EHBP1: variants seen among roughly 807,000 people sequenced by gnomAD.
EHBP1 encodes EH domain-binding protein 1.
In EHBP1, 55 loss-of-function variants were observed where a neutral mutation model predicts 144.0. The observed-to-expected ratio is 0.38, with a 90% CI of 0.31 to 0.48. The LOEUF is 0.48. EHBP1 is among the 20% of genes least tolerant of loss of function. EHBP1 has a pLI of 0.98. For missense variants in EHBP1, 1,200 were observed against 1,364.2 expected (o/e 0.88, Z 1.90); for synonymous variants, 469 against 472.7 (o/e 0.99, Z 0.10).
At chr2:62,995,863 T>C (rs1302589861) in intron 18 of EHBP1, among the ~76,000 whole-genome samples, 1 of 152,120 alleles carries the variant, frequency 6.6e-6, no homozygotes, top group Non-Finnish European at 1.5e-5. Context: ...ATAAAAAATA[T>C]ATTTTTTTAA....
At chr2:62,965,129 G>A (rs1442407794) in intron 14 of EHBP1, 1 of 152,484 alleles carries the variant, frequency 6.6e-6, no homozygotes, top group Non-Finnish European at 1.5e-5. Flanking sequence ...CCACAGTAGT[G>A]CAGTGACTTT....
intron 7 of EHBP1, among the ~76,000 whole-genome samples, chr2:62,858,022 A>G (rs1200080145): frequency 6.6e-6 from 1 of 152,174 alleles, no homozygotes; most frequent in Non-Finnish European, 1.5e-5. Flanking sequence ...ACAAATGACA[A>G]ATATTTTCTG....
At chr2:62,832,569 T>G (rs1201904806) in intron 7 of EHBP1, among the ~76,000 whole-genome samples, 1 of 152,048 alleles carries the variant, frequency 6.6e-6, no homozygotes, top group African/African-American at 2.4e-5. Flanking sequence ...TGTGTCTCTG[T>G]GTCATTTTGG....
At chr2:62,828,827 T>C (rs1241248646) in intron 6 of EHBP1, among the ~76,000 whole-genome samples, 1 of 152,218 alleles carries the variant, frequency 6.6e-6, no homozygotes, top group East Asian at 1.9e-4. Context: ...AACCATACTT[T>C]AATTCCATGA....
rs761597899 is a variant in EHBP1 at position 62,979,280 on chromosome 2, C to T, written c.2553C>T (p.Pro851=). 1.1e-5 allele frequency: 17 copies of T among 1,613,762 alleles called. No individual in the cohort carries two copies. In the Admixed American group the frequency reaches 2.7e-4, roughly 25 times the overall value. ...CTGGAGTGAAGATGTCAGAACTTCC[C>T]AGCTATGGTGAAATGGCTGCAGAAA... ...ARSGVKMSEL[P]SYGEMAAEKL... is the part of the protein sequence containing the mutation. The change falls in exon 15 of 23, where the codon CCC becomes CCT. Residue 851 remains proline (P), a synonymous_variant. Transcript: ENST00000431489.
At chr2:62,981,514 A>G (rs1389596881) in intron 15 of EHBP1, among the ~76,000 whole-genome samples, 1 of 152,164 alleles carries the variant, frequency 6.6e-6, no homozygotes, top group African/African-American at 2.4e-5. Context: ...ATGACTTGTA[A>G]GTGCTGGGAA....
rs780069348 is a variant in EHBP1 at position 62,859,162 on chromosome 2, T to C, written c.635-7T>C. 4 of 1,607,662 alleles carry C rather than the reference T, an allele frequency of 2.5e-6. No individual in the cohort carries two copies. Among genetic ancestry groups the C allele is most frequent in the Non-Finnish European group, 3.4e-6 (4 of 1,176,142 alleles). ...AATAGGGAACTAACCCATATGTTTA[T>C]TTTCAGAGCTTATCAACAAACTTAA... On this transcript the variant is annotated splice_region_variant and splice_polypyrimidine_tract_variant and intron_variant, in intron 7 of 22. Transcript: ENST00000431489.
chr2:63,042,237 A>G (rs1383583634), intron 21 of EHBP1, among the ~76,000 whole-genome samples: 2 of 152,164 alleles, frequency 1.3e-5, no homozygotes, highest in Non-Finnish European at 2.9e-5. Context: ...TTTTAAATGT[A>G]ATATTACATT....
intron 2 of EHBP1, among the ~76,000 whole-genome samples, chr2:62,730,938 TAGAA>T (rs1175803458): frequency 3.4e-5 from 1 of 29,538 alleles, no homozygotes; most frequent in Non-Finnish European, 7.4e-5. Context: ...GAGACAGAGA[TAGAA>T]AGACAGAGAG....
At chr2:62,771,106 C>T (rs2041624581) in intron 4 of EHBP1, among the ~76,000 whole-genome samples, 1 of 152,110 alleles carries the variant, frequency 6.6e-6, no homozygotes, top group South Asian at 2.1e-4. Flanking sequence ...ACAACAAACT[C>T]CTGTGCCATG....
At chr2:62,991,733 A>G (rs533072585) in intron 16 of EHBP1, among the ~76,000 whole-genome samples, 3 of 152,292 alleles carry the variant, frequency 2.0e-5, no homozygotes, top group African/African-American at 7.2e-5. Flanking sequence ...GCTTTAGGGC[A>G]CTTCCAGTCC....
intron 10 of EHBP1, chr2:62,940,272 C>T (rs1487436184): frequency 3.9e-6 from 1 of 254,748 alleles, no homozygotes; most frequent in Non-Finnish European, 8.0e-6. Context: ...GTTGAAGTCA[C>T]CATTGCAGAT....
At chr2:62,995,125 T>G (rs1244556231) in intron 18 of EHBP1, among the ~76,000 whole-genome samples, 1 of 152,144 alleles carries the variant, frequency 6.6e-6, no homozygotes, top group African/African-American at 2.4e-5. Context: ...GCAGATAGGT[T>G]CAAGAAGCAT....
At position 62,911,607 on chromosome 2, in the gene EHBP1, G is replaced by A. The variant is rs527285213; in HGVS notation, c.1186-31111G>A. Among the ~76,000 whole-genome samples, 140 of 152,080 alleles carry A rather than the reference G, an allele frequency of 9.2e-4. 3 individuals carry two copies. The South Asian group carries it at 0.029, about 31-fold the overall frequency. On this transcript the variant is annotated intron_variant, in intron 10 of 22. Coordinates refer to ENST00000431489, the MANE Select transcript of EHBP1 (RefSeq NM_001142616.3). The stretch of plus-strand genomic sequence containing the variant: ...CTCTCAAGTAGCTGGGATTACAGGC[G>A]CCCATCACCACGGCCAGCTAATTTT...
chr2:62,992,924 C>T (rs1045859208), intron 16 of EHBP1, among the ~76,000 whole-genome samples: 1 of 152,142 alleles, frequency 6.6e-6, no homozygotes, highest in African/African-American at 2.4e-5. Flanking sequence ...GTACACAGCA[C>T]CTCGGTATCT....
At chr2:62,996,913 T>C in intron 19 of EHBP1, 147 bp downstream of exon 19, 3 of 1,169,198 alleles carry the variant, frequency 2.6e-6, no homozygotes, top group Non-Finnish European at 3.6e-6. Context: ...CAGCCACCTC[T>C]CTGGGCCCTG....
At chr2:62,721,231 T>A (rs1429042681) in intron 2 of EHBP1, among the ~76,000 whole-genome samples, 7 of 152,092 alleles carry the variant, frequency 4.6e-5, no homozygotes, top group South Asian at 2.1e-4. Context: ...TCAAATTGGG[T>A]TTGTTTGATG....
At chr2:62,775,467 G>A (rs1188759085) in intron 5 of EHBP1, among the ~76,000 whole-genome samples, 4 of 152,110 alleles carry the variant, frequency 2.6e-5, no homozygotes, top group East Asian at 1.9e-4. Context: ...CACTGAAAAG[G>A]TATGCTCTTT....
chr2:62,692,022 G>A (rs1036289522), intron 1 of EHBP1, among the ~76,000 whole-genome samples: 3 of 151,796 alleles, frequency 2.0e-5, no homozygotes, highest in South Asian at 4.2e-4. Flanking sequence ...CATTTTTATC[G>A]CTTCAAAAAG....
Sources: allele counts gnomAD v4.1 joint callset (sites outside exome capture counted in the v4.1 genomes callset), GRCh38; gene constraint gnomAD v4.1.1; transcripts MANE v1.5; gene names NCBI Gene and HGNC (gene_info 2026-07-23, HGNC 2026-07-21).